The following SCYGR2 variants were observed in gnomAD, a reference collection of about 807,000 sequenced individuals.
The protein encoded by SCYGR2 is small cysteine and glycine repeat-containing protein 2.
At chr2:227,598,935 C>T (rs78869178) in exon 1 of SCYGR2, 24,835 of 369,666 alleles carry the variant, frequency 0.067, 932 homozygotes, top group Middle Eastern at 0.081. Flanking sequence ...CTGCGGTGGC[C>T]GCTGTGGTGG....
At chr2:227,599,101 C>T in exon 1 of SCYGR2, 1 of 402,940 alleles carries the variant, frequency 2.5e-6, no homozygotes, top group East Asian at 3.5e-5. Context: ...GGCTGCTGCT[C>T]CAGCTGCTGC....
chr2:227,599,170 G>A (rs1693641818), exon 1 of SCYGR2: 2 of 399,280 alleles, frequency 5.0e-6, no homozygotes, highest in South Asian at 1.2e-4. Flanking sequence ...TGTTGCTGCC[G>A]CCGCACCTGC....
chr2:227,599,043 T>TGCG (rs1174178874), exon 1 of SCYGR2: 180 of 366,314 alleles, frequency 4.9e-4, no homozygotes, highest in African/African-American at 3.2e-3. Context: ...CGGTGGTGGC[T>TGCG]GTGGTGGTAG....
At chr2:227,599,035 G>A in exon 1 of SCYGR2, 1 of 351,388 alleles carries the variant, frequency 2.8e-6, no homozygotes, top group Non-Finnish European at 5.0e-6. Flanking sequence ...GGTGGCTGCG[G>A]TGGTGGCTGT....
At chr2:227,599,238 A>G (rs1366719446) in exon 1 of SCYGR2, 1 of 399,782 alleles carries the variant, frequency 2.5e-6, no homozygotes, top group African/African-American at 2.1e-5. Flanking sequence ...CTGCTGCCAG[A>G]AGCAATGCTG....
Position 227,599,154 on chromosome 2 carries a change from G to A in SCYGR2, c.262G>A (p.Val88Met), listed in dbSNP as rs369239210. The A allele has an allele frequency of 1.2e-3, 477 of 400,008 alleles. 3 individuals carry two copies. The highest frequency in any genetic ancestry group is 8.1e-3 in the African/African-American group (396 of 48,718). The allele number at this position is 400,008 out of a possible 1,614,324, so 24.8% of individuals were successfully genotyped here. A position where few individuals can be genotyped will look rare whatever the true frequency, so the allele number is the denominator to read the frequency against. The stretch of plus-strand genomic sequence containing the variant: ...CTGTGGAGGCTGCTGCAGCACTCCC[G>A]TGATCTGTTGCTGCCGCCGCACCTG... Residue 88 changes from valine (V) to methionine (M), a missense_variant, in exon 1 of 1, where the codon GTG (valine) becomes ATG (methionine). By Grantham distance (21) the Val-to-Met change is conservative. Coordinates refer to ENST00000641394, the Ensembl canonical transcript of SCYGR2.
At position 227,599,056 on chromosome 2, in the gene SCYGR2, G is replaced by A. The variant is rs1425374437; in HGVS notation, c.164G>A (p.Cys55Tyr). Reference sequence around the variant, plus strand: ...TGCGGTGGTGGCTGTGGTGGTAGCTGTGGCAGCTGCACCACCTGCAGGTGC... The same window carrying A: ...TGCGGTGGTGGCTGTGGTGGTAGCTATGGCAGCTGCACCACCTGCAGGTGC... The change falls in exon 1 of 1, where the codon TGT becomes TAT. Residue 55 changes from cysteine to tyrosine, a missense_variant. Cys to Tyr is a radical substitution (Grantham distance 194). Transcript: ENST00000641394. The A allele has an allele frequency of 1.2e-5, 5 of 408,360 alleles. No homozygotes were observed. In the East Asian group the frequency reaches 1.8e-4, roughly 14 times the overall value. The allele number at this position is 408,360 out of a possible 1,614,324, so 25.3% of individuals were successfully genotyped here.
exon 1 of SCYGR2, chr2:227,598,970 CTGTGGTGGTGGCTGCGGTGGTGGCTGT>C (rs2106269719): frequency 6.8e-6 from 2 of 294,902 alleles, no homozygotes; most frequent in Non-Finnish European, 1.2e-5. Context: ...GTGGTGGTGG[CTGTGGTGGTGGCTGCGGTGGTGGCTGT>C]GGTGGTGGCT....
At chr2:227,598,904 T>C in exon 1 of SCYGR2, 1 of 416,942 alleles carries the variant, frequency 2.4e-6, no homozygotes, top group East Asian at 3.5e-5. Flanking sequence ...TGGGTTGCTG[T>C]GGTTGTGGAG....
Sources: gnomAD v4.1 joint callset for allele counts on GRCh38, gnomAD v4.1.1 for gene constraint, MANE v1.5 for transcripts, NCBI Gene and HGNC (gene_info 2026-07-23, HGNC 2026-07-21) for gene names.